The following PLCB4 variants were observed in gnomAD, a reference collection of about 807,000 sequenced individuals.
The protein encoded by PLCB4 is phospholipase C beta 4.
In PLCB4, 77 loss-of-function variants were observed where a neutral mutation model predicts 178.8. The ratio of observed to expected loss-of-function variants is 0.43; its 90% confidence interval spans 0.36 to 0.52. The LOEUF (loss-of-function observed/expected upper bound fraction) is 0.52. PLCB4 is among the 20% of genes least tolerant of loss of function. PLCB4 has a pLI of 0.00. For synonymous variants in PLCB4, 496 were observed against 490.8 expected (o/e 1.01, Z -0.14); for missense variants, 1,024 against 1,453.4 (o/e 0.70, Z 4.80).
intron 37 of PLCB4, 90 bp from the exon 38 acceptor site, chr20:9,473,189 A>T: frequency 1.4e-6 from 1 of 733,354 alleles, no homozygotes; most frequent in Non-Finnish European, 2.2e-6. Context: ...TCTTTCACTT[A>T]AATTATAAAG....
intron 2 of PLCB4, among the ~76,000 whole-genome samples, chr20:9,104,039 A>G (rs1468249533): frequency 6.6e-6 from 1 of 152,064 alleles, no homozygotes; most frequent in Non-Finnish European, 1.5e-5. Flanking sequence ...TGAAACAGTA[A>G]CAACCACAAA....
intron 2 of PLCB4, among the ~76,000 whole-genome samples, chr20:9,153,492 T>C (rs1489633307): frequency 1.3e-5 from 2 of 152,194 alleles, no homozygotes; most frequent in Non-Finnish European, 2.9e-5. Context: ...TTTCTCTTGC[T>C]GCTGCCATGT....
chr20:9,269,020 C>G (rs2094377052), intron 3 of PLCB4, among the ~76,000 whole-genome samples: 1 of 152,138 alleles, frequency 6.6e-6, no homozygotes, highest in Non-Finnish European at 1.5e-5. Flanking sequence ...GCTGTCATAT[C>G]CTCCTTAAAG....
intron 2 of PLCB4, among the ~76,000 whole-genome samples, chr20:9,196,076 T>C (rs2093468389): frequency 6.6e-6 from 1 of 152,194 alleles, no homozygotes; most frequent in Non-Finnish European, 1.5e-5. Context: ...CTCTTGATGT[T>C]AAGTAAAGGA....
At chr20:9,119,053 T>G (rs57167245) in intron 2 of PLCB4, among the ~76,000 whole-genome samples, 1 of 152,164 alleles carries the variant, frequency 6.6e-6, no homozygotes, top group Admixed American at 6.5e-5. Flanking sequence ...GTGGGCATCA[T>G]GAATTAATTT....
At chr20:9,075,522 T>C (rs11697674) in intron 1 of PLCB4, among the ~76,000 whole-genome samples, 94,954 of 152,178 alleles carry the variant, frequency 0.62, 29,755 homozygotes, top group South Asian at 0.72. Context: ...GGCCGGTTTT[T>C]ACCTGGTGAA....
At position 9,405,348 on chromosome 20, in the gene PLCB4, G is replaced by A. The variant is rs990273337; in HGVS notation, c.1647G>A (p.Lys549=). ...SDDLEHENNK[K]GLVTVEDEQA... is the part of the protein sequence containing the mutation. The stretch of plus-strand genomic sequence containing the variant: ...ACCTTGAACATGAAAACAACAAAAA[G>A]GTAACAAAATAATTCCCTTGCACAT... Residue 549 remains lysine, a splice_region_variant and synonymous_variant, in exon 21 of 40, where the codon AAG becomes AAA. Transcript: ENST00000378473. 2.0e-6 allele frequency: 3 copies of A among 1,523,994 alleles called. No homozygotes were observed. Among genetic ancestry groups the A allele is most frequent in the African/African-American group, 2.7e-5 (2 of 73,010 alleles). 94.4% of individuals were successfully genotyped at this position (1,523,994 alleles called of 1,614,324 possible). A position where few individuals can be genotyped will look rare whatever the true frequency, so the allele number is the denominator to read the frequency against.
At chr20:9,408,537 T>C (rs1390214504) in intron 22 of PLCB4, 96 bp from the exon 23 acceptor site, 4 of 597,450 alleles carry the variant, frequency 6.7e-6, no homozygotes, top group South Asian at 5.9e-5. Flanking sequence ...CTCCAAGGCC[T>C]CATGATTCAG....
intron 2 of PLCB4, among the ~76,000 whole-genome samples, chr20:9,162,519 A>G (rs2092905281): frequency 6.6e-6 from 1 of 152,198 alleles, no homozygotes; most frequent in South Asian, 2.1e-4. Context: ...CGGAGTTAAT[A>G]TGGGAAAAGA....
intron 3 of PLCB4, among the ~76,000 whole-genome samples, chr20:9,271,801 C>T (rs1314686632): frequency 1.3e-5 from 2 of 152,150 alleles, no homozygotes; most frequent in South Asian, 2.1e-4. Context: ...TCACACGTAA[C>T]ATCAGACTAA....
intron 28 of PLCB4, among the ~76,000 whole-genome samples, chr20:9,428,267 A>G (rs1568811779): frequency 6.6e-6 from 1 of 152,024 alleles, no homozygotes; most frequent in South Asian, 2.1e-4. Flanking sequence ...TTGTTGAAAA[A>G]CCCAGTTGCA....
At chr20:9,273,732 G>A (rs1250477567) in intron 3 of PLCB4, among the ~76,000 whole-genome samples, 1 of 150,756 alleles carries the variant, frequency 6.6e-6, no homozygotes. Context: ...GTTTGGAGCA[G>A]ATGATACAGA....
chr20:9,398,325 AAT>A (rs2038763034), intron 19 of PLCB4, among the ~76,000 whole-genome samples: 1 of 152,214 alleles, frequency 6.6e-6, no homozygotes, highest in African/African-American at 2.4e-5. Flanking sequence ...GTCTTTGGAA[AAT>A]ATAGTCAGCC....
intron 20 of PLCB4, among the ~76,000 whole-genome samples, chr20:9,403,089 C>T (rs917802668): frequency 1.4e-4 from 22 of 152,050 alleles, no homozygotes; most frequent in African/African-American, 3.9e-4. Flanking sequence ...AAGAGCTTAG[C>T]GTGGTGCCTG....
chr20:9,150,539 C>G (rs2092674286), intron 2 of PLCB4, among the ~76,000 whole-genome samples: 1 of 152,112 alleles, frequency 6.6e-6, no homozygotes, highest in Non-Finnish European at 1.5e-5. Flanking sequence ...AAATTTGGTA[C>G]AAATCAATGC....
At chr20:9,469,943 G>T (rs1034223348) in intron 36 of PLCB4, among the ~76,000 whole-genome samples, 1 of 152,158 alleles carries the variant, frequency 6.6e-6, no homozygotes, top group African/African-American at 2.4e-5. Context: ...CCTGGATTAC[G>T]CCACCAGCAG....
At chr20:9,154,446 T>G in intron 2 of PLCB4, among the ~76,000 whole-genome samples, 1 of 152,176 alleles carries the variant, frequency 6.6e-6, no homozygotes, top group East Asian at 1.9e-4. Context: ...CCAAAAGTTT[T>G]GAAATGATGG....
intron 3 of PLCB4, among the ~76,000 whole-genome samples, chr20:9,286,590 A>T (rs969498541): frequency 6.6e-6 from 1 of 152,062 alleles, no homozygotes; most frequent in Admixed American, 6.6e-5. Flanking sequence ...AGAATGTGAC[A>T]TAGTACTCTG....
intron 1 of PLCB4, among the ~76,000 whole-genome samples, chr20:9,091,788 C>A (rs2090690327): frequency 6.6e-6 from 1 of 151,784 alleles, no homozygotes; most frequent in South Asian, 2.1e-4. Flanking sequence ...ATTATTTCAA[C>A]CCATTATTAT....
Sources: allele counts gnomAD v4.1 joint callset (sites outside exome capture counted in the v4.1 genomes callset), GRCh38; gene constraint gnomAD v4.1.1; transcripts MANE v1.5; gene names NCBI Gene and HGNC (gene_info 2026-07-23, HGNC 2026-07-21).